Variants in ERC2 observed in about 807,000 individuals in gnomAD.
ERC2 encodes the protein ERC protein 2.
In ERC2, 42 loss-of-function variants were observed where a neutral mutation model predicts 114.8. The observed-to-expected ratio is 0.37, with a 90% CI of 0.29 to 0.47. The LOEUF (loss-of-function observed/expected upper bound fraction) is 0.47, where lower values mean the gene tolerates loss of function less well. Ranked by LOEUF, ERC2 falls within the 20% of genes least tolerant of loss-of-function variation. The pLI, the probability that ERC2 is intolerant of heterozygous loss-of-function variation, is 0.99. For missense variants in ERC2, 939 were observed against 1,150.7 expected (o/e 0.82, Z 2.66); for synonymous variants, 454 against 425.5 (o/e 1.07, Z -0.82).
intron 3 of ERC2, among the ~76,000 whole-genome samples, chr3:56,228,635 G>A: frequency 6.6e-6 from 1 of 152,002 alleles, no homozygotes; most frequent in East Asian, 1.9e-4. Context: ...CTACCTGTTG[G>A]CTACTGTAAA....
intron 17 of ERC2, among the ~76,000 whole-genome samples, chr3:55,615,523 T>C (rs908879146): frequency 6.6e-6 from 1 of 152,094 alleles, no homozygotes; most frequent in Non-Finnish European, 1.5e-5. Flanking sequence ...CACAATCACC[T>C]CACCTCCTGA....
chr3:55,908,063 G>A (rs938384698), intron 13 of ERC2, among the ~76,000 whole-genome samples: 1 of 152,222 alleles, frequency 6.6e-6, no homozygotes, highest in Middle Eastern at 3.4e-3. Context: ...CAACTCAAAG[G>A]CTGGTAGGGC....
rs184002949 is a variant in ERC2 at position 56,323,720 on chromosome 3, C to A, written c.658-27285G>T. Among the ~76,000 whole-genome samples, 3 of 152,264 alleles carry A rather than the reference C, an allele frequency of 2.0e-5. No homozygotes were observed. The East Asian group carries it at 5.8e-4, about 29-fold the overall frequency. On this transcript the variant is annotated intron_variant, in intron 2 of 17. Coordinates refer to ENST00000288221, the MANE Select transcript of ERC2 (RefSeq NM_015576.3). ...CCAGTAAATGGCCCATCTCTACCAC[C>A]CATCAGCTTAAACGAATATCTAAGG...
intron 9 of ERC2, 57 bp downstream of exon 9, chr3:56,010,392 A>T: frequency 1.3e-6 from 2 of 1,571,628 alleles, no homozygotes; most frequent in Non-Finnish European, 1.7e-6. Flanking sequence ...TTGCAGCTTC[A>T]TTGAATATGG....
chr3:56,143,300 T>C (rs1311597941), intron 5 of ERC2, among the ~76,000 whole-genome samples: 2 of 152,172 alleles, frequency 1.3e-5, no homozygotes, highest in African/African-American at 2.4e-5. Context: ...AGTTCATCTA[T>C]CTGAAAATTG....
Position 55,741,718 on chromosome 3 carries a change from C to T in ERC2, c.2565-6800G>A, listed in dbSNP as rs567617297. Among the ~76,000 whole-genome samples, 4 of 152,254 alleles carry T rather than the reference C, an allele frequency of 2.6e-5. No individual in the cohort carries two copies. In the East Asian group the frequency reaches 7.7e-4, roughly 29 times the overall value. ...CTCAAGTACCAATTACTAAGGTGATCTGTCTATGCCCCAAAATGTAGCTTA... is the reference window on the plus strand; with the variant it reads ...CTCAAGTACCAATTACTAAGGTGATTTGTCTATGCCCCAAAATGTAGCTTA... On this transcript the variant is annotated intron_variant, in intron 14 of 17. Coordinates refer to ENST00000288221, the MANE Select transcript of ERC2 (RefSeq NM_015576.3).
At chr3:56,443,587 C>G (rs931589948) in intron 1 of ERC2, among the ~76,000 whole-genome samples, 1 of 152,084 alleles carries the variant, frequency 6.6e-6, no homozygotes, top group South Asian at 2.1e-4. Flanking sequence ...GTCACTCGCA[C>G]CCTCCCCCAT....
rs561230020 is a variant in ERC2, at chr3:56,319,778, C to T, written c.658-23343G>A. On this transcript the variant is annotated intron_variant, in intron 2 of 17. Coordinates refer to ENST00000288221, the MANE Select transcript of ERC2 (RefSeq NM_015576.3). ...TCGAGGTCAGGAGTTCAAGACCAGC[C>T]TGGGCCACATAGCGAGACCCCATCT... Among the ~76,000 whole-genome samples, 3 of 152,128 alleles carry T rather than the reference C, an allele frequency of 2.0e-5. No individual in the cohort carries two copies. In the South Asian group the frequency reaches 6.2e-4, roughly 32 times the overall value.
Position 56,296,858 on chromosome 3 carries a change from T to A in ERC2, c.658-423A>T, listed in dbSNP as rs1411792693. On this transcript the variant is annotated intron_variant, in intron 2 of 17. Coordinates refer to ENST00000288221, the MANE Select transcript of ERC2 (RefSeq NM_015576.3). The stretch of plus-strand genomic sequence containing the variant: ...TTGTACTATCCATTATTTCCCACGA[T>A]CAATATGTGGTGATTTAAAAATGAA... Among the ~76,000 whole-genome samples the A allele has an allele frequency of 3.9e-5, 6 of 152,312 alleles. No individual in the cohort carries two copies. In the East Asian group the frequency reaches 1.2e-3, roughly 29 times the overall value.
intron 12 of ERC2, among the ~76,000 whole-genome samples, chr3:55,958,660 A>G (rs1362022531): frequency 1.3e-5 from 2 of 152,202 alleles, no homozygotes; most frequent in Non-Finnish European, 2.9e-5. Context: ...GTCAGCACCC[A>G]AAGTCTAGAG....
intron 7 of ERC2, among the ~76,000 whole-genome samples, chr3:56,037,303 G>A (rs2074869369): frequency 6.6e-6 from 1 of 152,164 alleles, no homozygotes; most frequent in African/African-American, 2.4e-5. Context: ...TAAGAACCCT[G>A]ATAAAACATC....
At chr3:56,343,190 T>TCACA (rs1181595660) in intron 2 of ERC2, among the ~76,000 whole-genome samples, 20 of 109,984 alleles carry the variant, frequency 1.8e-4, no homozygotes, top group South Asian at 1.3e-3. Flanking sequence ...TCTCTCTCTC[T>TCACA]CTCACACACA....
At chr3:55,586,321 G>C (rs1487967347) in intron 17 of ERC2, among the ~76,000 whole-genome samples, 1 of 152,206 alleles carries the variant, frequency 6.6e-6, no homozygotes, top group Non-Finnish European at 1.5e-5. Flanking sequence ...ATGATGCTTA[G>C]AAAATCCTAT....
intron 10 of ERC2, among the ~76,000 whole-genome samples, chr3:55,996,351 G>A (rs751066197): frequency 1.7e-4 from 26 of 152,210 alleles, no homozygotes; most frequent in East Asian, 5.8e-4. Flanking sequence ...CAAGCTCATC[G>A]TCACTTTCAA....
Position 56,194,978 on chromosome 3 carries a change from C to T in ERC2, c.1075-21458G>A, listed in dbSNP as rs543943996. 4.6e-5 allele frequency among the ~76,000 whole-genome samples: 7 copies of T among 152,232 alleles called. No homozygotes were observed. The East Asian group carries it at 1.4e-3, about 29-fold the overall frequency. On this transcript the variant is annotated intron_variant, in intron 3 of 17. Coordinates refer to ENST00000288221, the MANE Select transcript of ERC2 (RefSeq NM_015576.3). ...AATACCTCCAATAGATACCTAAAAC[C>T]ACAGATAGTACCAAACCCTGTATAT...
At chr3:55,834,677 AC>A (rs2149197998) in intron 14 of ERC2, among the ~76,000 whole-genome samples, 1 of 149,806 alleles carries the variant, frequency 6.7e-6, no homozygotes, top group South Asian at 2.2e-4. Context: ...CAAAATTGAC[AC>A]CCTAACATCA....
chr3:56,262,262 C>A (rs776025605), intron 3 of ERC2, among the ~76,000 whole-genome samples: 2 of 152,324 alleles, frequency 1.3e-5, no homozygotes, highest in East Asian at 3.9e-4. Flanking sequence ...AGAGCAGGGG[C>A]CACATCATCC....
At chr3:55,870,363 C>T (rs1286518464) in intron 14 of ERC2, among the ~76,000 whole-genome samples, 2 of 152,210 alleles carry the variant, frequency 1.3e-5, no homozygotes, top group Non-Finnish European at 2.9e-5. Flanking sequence ...GCATGAGCCA[C>T]CATACCCGGC....
At chr3:56,040,266 T>C (rs996986234) in intron 7 of ERC2, among the ~76,000 whole-genome samples, 4 of 152,170 alleles carry the variant, frequency 2.6e-5, no homozygotes, top group African/African-American at 7.2e-5. Flanking sequence ...AGGAGAAAGA[T>C]AGCTTGTTTT....
Sources: allele counts gnomAD v4.1 joint callset (sites outside exome capture counted in the v4.1 genomes callset), GRCh38; gene constraint gnomAD v4.1.1; transcripts MANE v1.5; gene names NCBI Gene and HGNC (gene_info 2026-07-23, HGNC 2026-07-21).